The following ISLR2 variants were observed in gnomAD, a reference collection of about 807,000 sequenced individuals.
ISLR2 encodes the protein immunoglobulin superfamily containing leucine-rich repeat protein 2.
A neutral mutation model predicts 25.5 loss-of-function variants in ISLR2; 16 were observed. That is an observed-to-expected ratio of 0.63 (90% CI 0.43 to 0.95). ISLR2 has a LOEUF of 0.95. ISLR2 is among the 40% of genes least tolerant of loss of function. The pLI is 0.00. For synonymous variants in ISLR2, 508 were observed against 486.6 expected (o/e 1.04, Z -0.58); for missense variants, 883 against 1,030.7 (o/e 0.86, Z 1.96).
At chr15:74,124,212 AG>A (rs1198794283), upstream of ISLR2, among the ~76,000 whole-genome samples, 1 of 151,266 alleles carries the variant, frequency 6.6e-6, no homozygotes, top group Non-Finnish European at 1.5e-5. Flanking sequence ...ATACAATATT[AG>A]GCTACTCTGA....
chr15:74,104,556 G>A (rs867106017), intron 2 of ISLR2, among the ~76,000 whole-genome samples: 1 of 152,020 alleles, frequency 6.6e-6, no homozygotes, highest in Non-Finnish European at 1.5e-5. Context: ...GTCACATTGG[G>A]AGGATCTCTT....
intron 2 of ISLR2, among the ~76,000 whole-genome samples, chr15:74,105,743 G>A (rs116281352): frequency 2.1e-4 from 32 of 152,150 alleles, no homozygotes; most frequent in African/African-American, 7.2e-4. Flanking sequence ...CAAAGCCTGC[G>A]TCCCAGAATC....
intron 2 of ISLR2, among the ~76,000 whole-genome samples, chr15:74,118,212 C>T (rs2072225871): frequency 1.3e-5 from 2 of 152,008 alleles, no homozygotes; most frequent in South Asian, 4.1e-4. Flanking sequence ...TTCTGTGATG[C>T]CCCCCGAGCC....
At chr15:74,128,833 C>A, upstream of ISLR2, 1 of 399,886 alleles carries the variant, frequency 2.5e-6, no homozygotes, top group South Asian at 1.8e-5. Context: ...TTCCCAACAC[C>A]CGGACAACTG....
upstream of ISLR2, chr15:74,128,778 A>G (rs1470030803): frequency 2.3e-6 from 1 of 428,096 alleles, no homozygotes; most frequent in Non-Finnish European, 4.6e-6. Context: ...CCCTGCCTCC[A>G]AATATCCTTC....
At chr15:74,128,489 G>A (rs951428479), upstream of ISLR2, 19 of 456,576 alleles carry the variant, frequency 4.2e-5, no homozygotes, top group Non-Finnish European at 7.1e-5. Context: ...TGTCAAGACA[G>A]CAAGGAAAGG....
intron 2 of ISLR2, among the ~76,000 whole-genome samples, chr15:74,122,157 C>T (rs2141937917): frequency 6.6e-6 from 1 of 152,344 alleles, no homozygotes; most frequent in South Asian, 2.1e-4. Context: ...CCCAGATAGG[C>T]TGGGGACATT....
upstream of ISLR2, chr15:74,128,964 C>A (rs1217027092): frequency 8.8e-6 from 4 of 456,080 alleles, no homozygotes; most frequent in Admixed American, 7.1e-5. Context: ...CAGGGACTCA[C>A]CCCGGGCTAG....
At chr15:74,105,047 A>T (rs1324655464) in intron 2 of ISLR2, among the ~76,000 whole-genome samples, 1 of 23,480 alleles carries the variant, frequency 4.3e-5, no homozygotes, top group African/African-American at 2.0e-4. Flanking sequence ...GATCCTGCTG[A>T]AAGAATGAGA....
Position 74,134,213 on chromosome 15 carries a change from G to T in ISLR2, c.1459G>T (p.Gly487Cys). The change falls in exon 3 of 3, where the codon GGC (glycine) becomes TGC (cysteine). Residue 487 changes from glycine to cysteine, a missense_variant. Physicochemically the swap from Gly to Cys is radical, Grantham distance 159. Transcript: ENST00000453268. ...AELKPHVFELGVIALDVAERE... is the reference protein window; with the variant it reads ...AELKPHVFELCVIALDVAERE... ...GCTCAAGCCGCACGTCTTCGAGCTG[G>T]GCGTCATCGCGCTGGATGTGGCGGA... The T allele has an allele frequency of 3.7e-6, 6 of 1,607,314 alleles. No individual in the cohort carries two copies. Among genetic ancestry groups the T allele is most frequent in the Non-Finnish European group, 5.1e-6 (6 of 1,177,196 alleles).
chr15:74,132,327 A>G lies in ISLR2; in HGVS notation c.-8-420A>G. On this transcript the variant is annotated intron_variant, in intron 2 of 2. Coordinates refer to ENST00000453268, the MANE Select transcript of ISLR2 (RefSeq NM_020851.3). The surrounding 1 kb of genome is among the most constrained non-coding windows in gnomAD (Gnocchi z 4.3). ...GTGTGCGAGTGCTGTGCGTGGGACA[A>G]AGGTTCCAGGGAGGACAGCCAGTCA... 6.6e-6 allele frequency among the ~76,000 whole-genome samples: 1 copy of G among 152,150 alleles called. No homozygotes were observed. Among genetic ancestry groups the G allele is most frequent in the East Asian group, 1.9e-4 (1 of 5,190 alleles).
At chr15:74,106,746 G>T (rs2072123438) in intron 2 of ISLR2, among the ~76,000 whole-genome samples, 1 of 152,002 alleles carries the variant, frequency 6.6e-6, no homozygotes, top group South Asian at 2.1e-4. Flanking sequence ...GCCACGTTTG[G>T]GCCTCCCACC....
chr15:74,119,419 C>T (rs2072235531), intron 2 of ISLR2, among the ~76,000 whole-genome samples: 1 of 152,048 alleles, frequency 6.6e-6, no homozygotes, highest in Non-Finnish European at 1.5e-5. Flanking sequence ...CTATGTTGCC[C>T]AGCCTGGTCT....
chr15:74,140,506 G>A (rs2072605763), downstream of ISLR2, among the ~76,000 whole-genome samples: 1 of 152,218 alleles, frequency 6.6e-6, no homozygotes, highest in Non-Finnish European at 1.5e-5. Context: ...CACAACAGGA[G>A]GTGTCGCCTG....
In ISLR2 at chr15:74,132,914, A is replaced by G; in HGVS notation, c.160A>G (p.Thr54Ala). 1 of 1,614,074 alleles carries G rather than the reference A, an allele frequency of 6.2e-7. No individual in the cohort carries two copies. Among genetic ancestry groups the G allele is most frequent in the Non-Finnish European group, 8.5e-7 (1 of 1,179,944 alleles). Reference protein sequence around the residue: ...EVPEGLPANVTTLSLSANKIT... With the variant: ...EVPEGLPANVATLSLSANKIT... ...GCCGGAAGGACTGCCTGCCAACGTG[A>G]CGACGCTTAGTCTGTCCGCGAACAA... Residue 54 changes from threonine (T) to alanine (A), a missense_variant, in exon 3 of 3, where the codon ACG becomes GCG. Transcript: ENST00000453268. This position sits in a 1 kb window ranked among gnomAD's most constrained non-coding sequence, Gnocchi z 4.3.
At chr15:74,110,895 G>T (rs1366965922) in intron 2 of ISLR2, among the ~76,000 whole-genome samples, 2 of 152,132 alleles carry the variant, frequency 1.3e-5, no homozygotes, top group Non-Finnish European at 2.9e-5. Context: ...GGAGGCAGAG[G>T]TTGCAGTAAG....
intron 2 of ISLR2, among the ~76,000 whole-genome samples, chr15:74,122,267 G>A (rs2072258970): frequency 6.6e-6 from 1 of 152,226 alleles, no homozygotes; most frequent in South Asian, 2.1e-4. Context: ...TCTGATGCTG[G>A]GTGACTCTCT....
In ISLR2 at chr15:74,132,822, C is replaced by T. The variant is rs1226480596; in HGVS notation, c.68C>T (p.Pro23Leu). ...LLGVAGSCPEPCACVDKYAHQ... is the reference protein window; with the variant it reads ...LLGVAGSCPELCACVDKYAHQ... ...GGAGTGGCCGGATCATGCCCGGAGCCGTGCGCCTGCGTGGACAAGTACGCT... is the reference window on the plus strand; with the variant it reads ...GGAGTGGCCGGATCATGCCCGGAGCTGTGCGCCTGCGTGGACAAGTACGCT... The change falls in exon 3 of 3, where the codon CCG becomes CTG. Residue 23 changes from proline (P) to leucine (L), a missense_variant. Coordinates refer to ENST00000453268, the MANE Select transcript of ISLR2 (RefSeq NM_020851.3). The surrounding 1 kb of genome is among the most constrained non-coding windows in gnomAD (Gnocchi z 4.3). 11 of 1,614,112 alleles carry T rather than the reference C, an allele frequency of 6.8e-6. No individual in the cohort carries two copies. The highest frequency in any genetic ancestry group is 8.5e-6 in the Non-Finnish European group (10 of 1,179,956).
At chr15:74,129,757 C>T (rs1419582417), upstream of ISLR2, 1 of 151,044 alleles carries the variant, frequency 6.6e-6, no homozygotes, top group African/African-American at 2.4e-5. The surrounding 1 kb of genome is among the most constrained non-coding windows in gnomAD (Gnocchi z 4.5). Flanking sequence ...TGAGGGGCCA[C>T]CGCGGCTTGG....
Sources: allele counts gnomAD v4.1 joint callset (sites outside exome capture counted in the v4.1 genomes callset), GRCh38; gene constraint gnomAD v4.1.1; non-coding constraint Gnocchi (gnomAD v3.1); transcripts MANE v1.5; gene names NCBI Gene and HGNC (gene_info 2026-07-23, HGNC 2026-07-21).